STOX2: variants seen among roughly 807,000 people sequenced by gnomAD.
STOX2 encodes the protein storkhead-box protein 2.
Under a neutral mutation model 60.9 loss-of-function variants are expected in STOX2, and 28 were observed. That is an observed-to-expected ratio of 0.46 (90% CI 0.34 to 0.63). STOX2 has a LOEUF of 0.63. Ranked by LOEUF, STOX2 falls within the 30% of genes least tolerant of loss-of-function variation. STOX2 has a pLI of 0.01. For synonymous variants in STOX2, 472 were observed against 463.9 expected, an observed-to-expected ratio of 1.02 and a Z score of -0.22; for missense variants, 1,024 against 1,187.7, an observed-to-expected ratio of 0.86 and a Z score of 2.03.
intron 1 of STOX2, among the ~76,000 whole-genome samples, chr4:183,866,280 A>C (rs115361952): frequency 0.028 from 4,281 of 152,100 alleles, 194 homozygotes; most frequent in African/African-American, 0.097. Context: ...CTTGCCAAAA[A>C]CCCTAATTGC....
chr4:184,013,112 T>C (rs560265484), intron 3 of STOX2, among the ~76,000 whole-genome samples: 395 of 152,320 alleles, frequency 2.6e-3, no homozygotes, highest in Non-Finnish European at 4.6e-3. Flanking sequence ...CTCCTTTCCC[T>C]CTGGGCCCCT....
intron 1 of STOX2, among the ~76,000 whole-genome samples, chr4:183,869,417 A>C (rs558465886): frequency 1.3e-5 from 2 of 152,318 alleles, no homozygotes; most frequent in South Asian, 4.1e-4. Context: ...GAATCCTGTG[A>C]AAGGTTAAAA....
At chr4:183,981,857 A>C (rs1458481999) in intron 1 of STOX2, among the ~76,000 whole-genome samples, 1 of 152,186 alleles carries the variant, frequency 6.6e-6, no homozygotes, top group Non-Finnish European at 1.5e-5. Context: ...AATCACTCGA[A>C]CCCAGGAGGT....
chr4:183,848,106 G>A (rs2111137793), intron 1 of STOX2, among the ~76,000 whole-genome samples: 1 of 152,254 alleles, frequency 6.6e-6, no homozygotes, highest in East Asian at 1.9e-4. Context: ...ACAGCGTGTG[G>A]TTGCCTGTAA....
At chr4:183,943,581 C>G (rs777219152) in intron 1 of STOX2, among the ~76,000 whole-genome samples, 17 of 152,040 alleles carry the variant, frequency 1.1e-4, no homozygotes, top group Non-Finnish European at 1.5e-4. Context: ...TTCAAACGTA[C>G]GAGAAGAAAT....
intron 1 of STOX2, among the ~76,000 whole-genome samples, chr4:183,880,454 G>A (rs1303398732): frequency 1.3e-5 from 2 of 152,188 alleles, no homozygotes; most frequent in African/African-American, 4.8e-5. Flanking sequence ...TTTCATGGAG[G>A]AGAAAAACTG....
At chr4:183,891,353 G>A (rs1248263220) in intron 1 of STOX2, among the ~76,000 whole-genome samples, 1 of 71,366 alleles carries the variant, frequency 1.4e-5, no homozygotes, top group Non-Finnish European at 2.8e-5. Flanking sequence ...TATATATGAT[G>A]GAATTTATAT....
intron 1 of STOX2, among the ~76,000 whole-genome samples, chr4:183,869,827 A>G (rs1337131546): frequency 6.6e-6 from 1 of 152,170 alleles, no homozygotes; most frequent in Non-Finnish European, 1.5e-5. Context: ...TAAGCTATTT[A>G]AAAACAATCC....
At chr4:183,871,997 TA>T (rs771728535) in intron 1 of STOX2, among the ~76,000 whole-genome samples, 3 of 152,072 alleles carry the variant, frequency 2.0e-5, no homozygotes, top group Non-Finnish European at 2.9e-5. Flanking sequence ...CTGCAGGTAT[TA>T]AAAAAACCCT....
chr4:183,964,011 G>A (rs1255491022), intron 1 of STOX2, among the ~76,000 whole-genome samples: 3 of 151,160 alleles, frequency 2.0e-5, no homozygotes, highest in Admixed American at 6.6e-5. Flanking sequence ...TCCTGACCTC[G>A]TCATCTGCCT....
At chr4:183,991,719 C>A (rs550629474) in intron 1 of STOX2, among the ~76,000 whole-genome samples, 1 of 152,194 alleles carries the variant, frequency 6.6e-6, no homozygotes, top group East Asian at 1.9e-4. Context: ...CCACCGCGCC[C>A]GGCCAGGGAA....
At position 184,009,293 on chromosome 4, in the gene STOX2, G is replaced by C. The variant is rs1734028334; in HGVS notation, c.455G>C (p.Arg152Thr). The part of the protein sequence containing the change: ...QTYFITPSLI[R>T]TNSKWYHLDE... The stretch of plus-strand genomic sequence containing the variant: ...TATTTCATAACTCCTTCCCTCATAA[G>C]AACTAACAGTAAATGGTACCATTTG... The change falls in exon 3 of 4, where the codon AGA becomes ACA. Residue 152 changes from arginine (R) to threonine (T), a missense_variant. Around this residue, in one of 3 missense-constraint regions of STOX2, gnomAD observed 922 missense variants for 1,058.3 expected, o/e 0.87. Coordinates refer to ENST00000308497, the MANE Select transcript of STOX2 (RefSeq NM_020225.3). The surrounding 1 kb of genome is among the most constrained non-coding windows in gnomAD (Gnocchi z 4.0). The C allele has an allele frequency of 1.2e-6, 2 of 1,613,946 alleles. No individual in the cohort carries two copies. Among genetic ancestry groups the C allele is most frequent in the Non-Finnish European group, 1.7e-6 (2 of 1,179,862 alleles).
chr4:183,839,413 T>C lies in STOX2; in HGVS notation c.364+41358T>C, dbSNP rs113871459. Among the ~76,000 whole-genome samples, 671 of 152,250 alleles carry C rather than the reference T, an allele frequency of 4.4e-3. 5 individuals are homozygous for C. Among genetic ancestry groups the C allele is most frequent in the African/African-American group, 0.015 (610 of 41,556 alleles). On this transcript the variant is annotated intron_variant, in intron 1 of 2. Coordinates refer to the STOX2 transcript ENST00000513034. ...ACTGACTTTAACGTTCTCCTGCATA[T>C]AGGCAAGAATTAAAACACACACACA...
rs576692086 is a variant in STOX2, at chr4:183,830,777, C to A, written c.364+32722C>A. ...TGAAAAGTAGTCATTAAGGGCCCTC[C>A]TCCAACAATAGGACACTTGTTCCGG... On this transcript the variant is annotated intron_variant, in intron 1 of 2. Transcript: ENST00000513034. Among the ~76,000 whole-genome samples the A allele has an allele frequency of 2.0e-5, 3 of 152,328 alleles. No homozygotes were observed. In the East Asian group the frequency reaches 5.8e-4, roughly 29 times the overall value.
intron 1 of STOX2, among the ~76,000 whole-genome samples, chr4:183,965,679 G>A (rs541880991): frequency 1.4e-4 from 22 of 152,228 alleles, no homozygotes; most frequent in Admixed American, 3.3e-4. Context: ...AGCTTTAGAC[G>A]GGAAGCTCAT....
At chr4:183,811,245 T>A (rs1739027309) in intron 1 of STOX2, among the ~76,000 whole-genome samples, 1 of 152,184 alleles carries the variant, frequency 6.6e-6, no homozygotes, top group African/African-American at 2.4e-5. Context: ...TCAGTTGGTT[T>A]GGAAATTGGA....
chr4:183,998,157 T>C (rs1165856263), intron 1 of STOX2, among the ~76,000 whole-genome samples: 2 of 152,220 alleles, frequency 1.3e-5, no homozygotes, highest in Non-Finnish European at 2.9e-5. Flanking sequence ...TCTGAGATGT[T>C]CTTAGTTATA....
intron 1 of STOX2, among the ~76,000 whole-genome samples, chr4:183,968,769 G>A (rs1247136086): frequency 2.1e-5 from 2 of 95,308 alleles, no homozygotes; most frequent in African/African-American, 7.8e-5. Context: ...GGCGGGGGGT[G>A]TTGGGTGGCA....
chr4:183,964,776 G>T lies in STOX2; in HGVS notation c.167-36549G>T, dbSNP rs570320565. 5.9e-3 allele frequency among the ~76,000 whole-genome samples: 902 copies of T among 152,120 alleles called. 7 individuals carry two copies. The highest frequency in any genetic ancestry group is 0.02 in the African/African-American group (830 of 41,484). Reference sequence around the variant, plus strand: ...TTTTTGTATTTTTAGTAGAGATGGGGTTTCACCATATTGGCCAGGCTGGTC... The same window carrying T: ...TTTTTGTATTTTTAGTAGAGATGGGTTTTCACCATATTGGCCAGGCTGGTC... On this transcript the variant is annotated intron_variant, in intron 1 of 3. Coordinates refer to ENST00000308497, the MANE Select transcript of STOX2 (RefSeq NM_020225.3).
Sources: allele counts gnomAD v4.1 joint callset (sites outside exome capture counted in the v4.1 genomes callset), GRCh38; gene constraint gnomAD v4.1.1; regional missense constraint gnomAD v4.1.1; non-coding constraint Gnocchi (gnomAD v3.1); transcripts MANE v1.5; gene names NCBI Gene and HGNC (gene_info 2026-07-23, HGNC 2026-07-21).